IL7: variants seen among roughly 807,000 people sequenced by gnomAD.
The protein encoded by IL7 is interleukin 7.
Under a neutral mutation model 21.6 loss-of-function variants are expected in IL7, and 3 were observed. The observed-to-expected ratio is 0.14, with a 90% CI of 0.06 to 0.36. The LOEUF (loss-of-function observed/expected upper bound fraction) is 0.36, where lower values mean the gene tolerates loss of function less well. Ranked by LOEUF, IL7 falls within the 10% of genes least tolerant of loss-of-function variation. The pLI, the probability that IL7 is intolerant of heterozygous loss-of-function variation, is 1.00. For missense variants in IL7, 175 were observed against 200.2 expected (o/e 0.87, Z 0.76); for synonymous variants, 62 against 68.1 (o/e 0.91, Z 0.44).
chr8:78,707,742 G>A (rs1488764899), intron 3 of IL7, among the ~76,000 whole-genome samples: 2 of 152,018 alleles, frequency 1.3e-5, no homozygotes, highest in African/African-American at 4.8e-5. Flanking sequence ...AGAGAGCTGT[G>A]GAGCTCATTT....
At chr8:78,685,559 T>G (rs1809942407) in intron 4 of IL7, among the ~76,000 whole-genome samples, 1 of 152,202 alleles carries the variant, frequency 6.6e-6, no homozygotes, top group Admixed American at 6.5e-5. Flanking sequence ...AAACAATTAC[T>G]AGAAATTATT....
intron 2 of IL7, among the ~76,000 whole-genome samples, chr8:78,764,604 T>C (rs1812691505): frequency 6.6e-6 from 1 of 151,910 alleles, no homozygotes; most frequent in African/African-American, 2.4e-5. Context: ...AATAAAATGC[T>C]TAAGTGTAAA....
chr8:78,745,770 A>G (rs977239221), intron 2 of IL7, among the ~76,000 whole-genome samples: 7 of 152,246 alleles, frequency 4.6e-5, no homozygotes, highest in Non-Finnish European at 8.8e-5. Context: ...ACAAATTACC[A>G]AAAATTTGGA....
rs1405874949 is a variant in IL7, at chr8:78,687,760, ACGTAAGACAT to A, written n.215-1823_215-1814del. On this transcript the variant is annotated intron_variant and non_coding_transcript_variant, in intron 3 of 4. Transcript: ENST00000523959. ...TTTATGTAATACATTATATATATTT[ACGTAAGACAT>A]TATATATATATTTACGTAATACATT... 5.6e-4 allele frequency among the ~76,000 whole-genome samples: 35 copies of A among 62,776 alleles called. 1 individual carries two copies. Among genetic ancestry groups the A allele is most frequent in the Non-Finnish European group, 6.9e-4 (20 of 29,064 alleles). The allele number at this position is 62,776 out of a possible 152,430, so 41.2% of individuals were successfully genotyped here.
At chr8:78,752,903 G>C (rs1398652208) in intron 2 of IL7, among the ~76,000 whole-genome samples, 2 of 152,190 alleles carry the variant, frequency 1.3e-5, no homozygotes, top group African/African-American at 4.8e-5. Context: ...CTTCATCCAT[G>C]TCCCTGCAAA....
Position 78,687,339 on chromosome 8 carries a change from C to T in IL7, n.215-1392G>A, listed in dbSNP as rs185903778. ...GTTCTTTAGCAAATCTAGATATGAT[C>T]GTTTTTGACATTTTATTGTAGAGGA... On this transcript the variant is annotated intron_variant and non_coding_transcript_variant, in intron 3 of 4. Transcript: ENST00000523959. 2.7e-3 allele frequency among the ~76,000 whole-genome samples: 405 copies of T among 151,004 alleles called. 1 individual carries two copies. The highest frequency in any genetic ancestry group is 4.3e-3 in the Non-Finnish European group (294 of 67,756).
At chr8:78,760,325 T>G in intron 2 of IL7, 1 of 1,607,860 alleles carries the variant, frequency 6.2e-7, no homozygotes. Context: ...TAAGACGCTT[T>G]CATCCATTTT....
chr8:78,706,623 T>G (rs908148629), intron 3 of IL7, among the ~76,000 whole-genome samples: 2 of 152,188 alleles, frequency 1.3e-5, no homozygotes, highest in African/African-American at 4.8e-5. Context: ...TTGTTCTCTG[T>G]GGGTCAAGTT....
chr8:78,711,581 C>T (rs894722020), intron 3 of IL7, among the ~76,000 whole-genome samples: 1 of 151,808 alleles, frequency 6.6e-6, no homozygotes, highest in Non-Finnish European at 1.5e-5. Flanking sequence ...TTAAAAAGCA[C>T]GGAAATAAAT....
intron 2 of IL7, among the ~76,000 whole-genome samples, chr8:78,788,869 T>C (rs945911212): frequency 3.3e-5 from 5 of 152,204 alleles, no homozygotes; most frequent in African/African-American, 1.2e-4. Context: ...TCTTGCAGTT[T>C]ATCAGTTTTT....
chr8:78,737,877 A>T (rs1811647659), intron 4 of IL7, among the ~76,000 whole-genome samples: 1 of 152,166 alleles, frequency 6.6e-6, no homozygotes, highest in Non-Finnish European at 1.5e-5. Flanking sequence ...TACATGTGTT[A>T]TGCCATTTAA....
intron 2 of IL7, among the ~76,000 whole-genome samples, chr8:78,780,069 G>C (rs1813277422): frequency 6.6e-6 from 1 of 151,914 alleles, no homozygotes; most frequent in Non-Finnish European, 1.5e-5. Context: ...ATTTCTGTGG[G>C]GTCAGTGATG....
chr8:78,691,125 G>A (rs1810198492), intron 3 of IL7, among the ~76,000 whole-genome samples: 1 of 152,242 alleles, frequency 6.6e-6, no homozygotes, highest in Non-Finnish European at 1.5e-5. Flanking sequence ...GGTGATGACA[G>A]TGGACCTCCT....
chr8:78,697,636 A>C (rs1810466999), intron 3 of IL7: 2 of 655,072 alleles, frequency 3.1e-6, no homozygotes, highest in Non-Finnish European at 5.0e-6. Context: ...AAGTTAAGTA[A>C]TTATTTTTTA....
intron 4 of IL7, among the ~76,000 whole-genome samples, chr8:78,680,064 T>A (rs1289478634): frequency 6.6e-6 from 1 of 152,110 alleles, no homozygotes; most frequent in Non-Finnish European, 1.5e-5. Flanking sequence ...AGTTATTTAA[T>A]GTAATTATGC....
chr8:78,724,440 TCTC>T (rs992591387), intron 3 of IL7, among the ~76,000 whole-genome samples: 20 of 151,962 alleles, frequency 1.3e-4, no homozygotes, highest in Non-Finnish European at 2.5e-4. Context: ...GTTTTATTTT[TCTC>T]CTAATTATTG....
chr8:78,790,864 A>G (rs767132414), intron 2 of IL7, among the ~76,000 whole-genome samples: 2 of 152,110 alleles, frequency 1.3e-5, no homozygotes, highest in Non-Finnish European at 2.9e-5. Context: ...AGCATTTTTA[A>G]ACATTATTAC....
intron 3 of IL7, chr8:78,721,564 A>G (rs1349610067): frequency 6.6e-6 from 1 of 152,018 alleles, no homozygotes; most frequent in Non-Finnish European, 1.5e-5. Flanking sequence ...TGAATTTGCA[A>G]CAGTGAGGCT....
chr8:78,796,785 A>G (rs1031622991), intron 2 of IL7, among the ~76,000 whole-genome samples: 1 of 151,986 alleles, frequency 6.6e-6, no homozygotes, highest in African/African-American at 2.4e-5. Context: ...AGGCATTAGG[A>G]TCTCATTCAT....
Sources: gnomAD v4.1 joint callset for allele counts (sites outside exome capture counted in the v4.1 genomes callset) on GRCh38, gnomAD v4.1.1 for gene constraint, MANE v1.5 for transcripts, NCBI Gene and HGNC (gene_info 2026-07-23, HGNC 2026-07-21) for gene names.